Variants in AHI1 observed in about 807,000 individuals in gnomAD.
The protein encoded by AHI1 is Abelson helper integration site 1.
A neutral mutation model predicts 149.3 loss-of-function variants in AHI1; 123 were observed. That is an observed-to-expected ratio of 0.82 (90% CI 0.71 to 0.96). The LOEUF is 0.96. Among genes scored for constraint, AHI1 ranks in the 40% least tolerant of loss-of-function variants. The pLI is 0.00. For synonymous variants in AHI1, 475 were observed against 459.8 expected, an observed-to-expected ratio of 1.03 and a Z score of -0.42; for missense variants, 1,439 against 1,422.7, an observed-to-expected ratio of 1.01 and a Z score of -0.18.
At chr6:135,414,792 T>C (rs1191520270) in intron 20 of AHI1, among the ~76,000 whole-genome samples, 1 of 151,940 alleles carries the variant, frequency 6.6e-6, no homozygotes, top group Non-Finnish European at 1.5e-5. Flanking sequence ...CCATTTCTTT[T>C]TTTAAATTTT....
intron 23 of AHI1, among the ~76,000 whole-genome samples, chr6:135,381,957 T>G (rs1003456972): frequency 2.0e-5 from 3 of 152,218 alleles, no homozygotes; most frequent in Non-Finnish European, 4.4e-5. Context: ...TTTTTTAAAC[T>G]GAATAACAGT....
intron 21 of AHI1, 37 bp downstream of exon 21, chr6:135,411,311 A>G: frequency 6.5e-7 from 1 of 1,538,274 alleles, no homozygotes; most frequent in Admixed American, 1.7e-5. Context: ...CAGGATAGAA[A>G]TAGTTTTAAA....
In AHI1 at chr6:135,471,734, C is replaced by T. The variant is rs373916165; in HGVS notation, c.136-4100G>A. ...TATTAAGATATAGCTTACATCAGGC[C>T]GGGCGCGGTGGCTCACGCCTGTAAT... On this transcript the variant is annotated intron_variant, in intron 5 of 28. Coordinates refer to ENST00000265602, the MANE Select transcript of AHI1 (RefSeq NM_001134831.2). 1.1e-4 allele frequency among the ~76,000 whole-genome samples: 17 copies of T among 152,106 alleles called. 1 individual carries two copies. The highest frequency in any genetic ancestry group is 2.6e-4 in the Admixed American group (4 of 15,264).
chr6:135,467,609 T>C lies in AHI1; in HGVS notation c.161A>G (p.His54Arg). The C allele has an allele frequency of 6.2e-7, 1 of 1,609,284 alleles. No individual in the cohort carries two copies. Among genetic ancestry groups the C allele is most frequent in the Non-Finnish European group, 8.5e-7 (1 of 1,176,646 alleles). Residue 54 changes from histidine to arginine, a missense_variant, in exon 6 of 29, where the codon CAC (histidine) becomes CGC (arginine). Transcript: ENST00000265602. ...ISPDTIRSNL[H>R]YMKETTSDDP... ...ATCACTTGTAGTTTCTTTCATATAG[T>C]GAAGATTGCTTCTAATAGTGTCAGG...
At chr6:135,434,781 A>C (rs1337338354) in intron 15 of AHI1, among the ~76,000 whole-genome samples, 1 of 152,116 alleles carries the variant, frequency 6.6e-6, no homozygotes, top group Non-Finnish European at 1.5e-5. Context: ...CACAAAAATT[A>C]CTAGATTTGG....
Position 135,427,318 on chromosome 6 carries a change from A to T in AHI1, c.2624-11T>A, listed in dbSNP as rs1784047789. The T allele has an allele frequency of 6.2e-7, 1 of 1,604,136 alleles. No individual in the cohort carries two copies. Among genetic ancestry groups the T allele is most frequent in the Non-Finnish European group, 8.5e-7 (1 of 1,174,082 alleles). ...TGGCTACTTGTTCTCCTAAATAAAA[A>T]GAGAGATTCAAAAATGTATATCAGA... On this transcript the variant is annotated splice_polypyrimidine_tract_variant and intron_variant, in intron 19 of 28. Transcript: ENST00000265602.
At chr6:135,471,749 AC>A (rs1791729513) in intron 5 of AHI1, among the ~76,000 whole-genome samples, 1 of 151,578 alleles carries the variant, frequency 6.6e-6, no homozygotes, top group Non-Finnish European at 1.5e-5. Flanking sequence ...GCGGTGGCTC[AC>A]GCCTGTAATC....
At chr6:135,470,986 T>C (rs1366512081) in intron 5 of AHI1, among the ~76,000 whole-genome samples, 1 of 152,360 alleles carries the variant, frequency 6.6e-6, no homozygotes, top group South Asian at 2.1e-4. Flanking sequence ...CTTTTATTCA[T>C]ACCTCAATAA....
chr6:135,490,614 T>C lies in AHI1; in HGVS notation c.135+9A>G, dbSNP rs1795120690. 1 of 1,613,588 alleles carries C rather than the reference T, an allele frequency of 6.2e-7. No individual in the cohort carries two copies. Among genetic ancestry groups the C allele is most frequent in the Non-Finnish European group, 8.5e-7 (1 of 1,179,700 alleles). ...GTAAATCACTATTACCCAATGATCATTTACTTACTGAGATGTTTTCTTCAG... is the reference window on the plus strand; with the variant it reads ...GTAAATCACTATTACCCAATGATCACTTACTTACTGAGATGTTTTCTTCAG... On this transcript the variant is annotated intron_variant, in intron 5 of 28. Transcript: ENST00000265602.
chr6:135,357,234 G>A (rs553144697), intron 24 of AHI1, among the ~76,000 whole-genome samples: 1 of 152,282 alleles, frequency 6.6e-6, no homozygotes, highest in South Asian at 2.1e-4. Context: ...ACTGTGTCCG[G>A]CCATCTTTAT....
chr6:135,417,324 G>A (rs1008519368), intron 20 of AHI1, among the ~76,000 whole-genome samples: 11 of 151,908 alleles, frequency 7.2e-5, no homozygotes, highest in African/African-American at 2.2e-4. Context: ...ATTTTAATAT[G>A]AGTGAGCGAA....
intron 24 of AHI1, among the ~76,000 whole-genome samples, chr6:135,342,811 C>T (rs1416955720): frequency 6.6e-6 from 1 of 151,658 alleles, no homozygotes; most frequent in Admixed American, 6.6e-5. Context: ...CACACACACA[C>T]ATACATAACA....
rs1403041060 is a variant in AHI1 at position 135,433,056 on chromosome 6, A to T, written c.2237T>A (p.Phe746Tyr). ...AGTATCAAAACAAAGTGAGTTGATA[A>T]AACTTTTGTGAACATCAAACTGTCG... Reference protein sequence around the residue: ...LVRQFDVHKSFINSLCFDTEG... With the variant: ...LVRQFDVHKSYINSLCFDTEG... The change falls in exon 16 of 29, where the codon TTT becomes TAT. Residue 746 changes from phenylalanine (F) to tyrosine (Y), a missense_variant. By Grantham distance (22) the Phe-to-Tyr change is conservative (BLOSUM62 3). Coordinates refer to ENST00000265602, the MANE Select transcript of AHI1 (RefSeq NM_001134831.2). The T allele has an allele frequency of 6.2e-7, 1 of 1,613,250 alleles. No individual in the cohort carries two copies. The highest frequency in any genetic ancestry group is 1.3e-5 in the African/African-American group (1 of 75,016).
At chr6:135,336,723 G>A (rs1011679117) in intron 24 of AHI1, among the ~76,000 whole-genome samples, 2 of 152,006 alleles carry the variant, frequency 1.3e-5, no homozygotes, top group African/African-American at 4.8e-5. Flanking sequence ...ACCTCAGTTG[G>A]GTTTTCTCTC....
chr6:135,369,107 T>A (rs1251419525), intron 23 of AHI1, among the ~76,000 whole-genome samples: 1 of 152,184 alleles, frequency 6.6e-6, no homozygotes, highest in African/African-American at 2.4e-5. Flanking sequence ...TCCCACTGCT[T>A]CCTCTACCCC....
intron 3 of AHI1, chr6:135,492,993 A>AT: frequency 1.0e-6 from 1 of 969,826 alleles, no homozygotes; most frequent in Non-Finnish European, 1.2e-6. Context: ...TTAAAAAAAA[A>AT]GCTGGTTCAG....
At chr6:135,455,606 A>C (rs1788808284) in intron 10 of AHI1, 128 bp downstream of exon 10, 3 of 676,936 alleles carry the variant, frequency 4.4e-6, no homozygotes, top group Non-Finnish European at 6.8e-6. Context: ...TGGAAAACTA[A>C]ATCCTAGAGA....
Position 135,482,894 on chromosome 6 carries a change from C to CTTTTTTTT in AHI1, c.135+7721_135+7728dup, listed in dbSNP as rs761997683. Among the ~76,000 whole-genome samples the CTTTTTTTT allele has an allele frequency of 1.4e-3, 80 of 55,726 alleles. 27 individuals carry two copies. The highest frequency in any genetic ancestry group is 5.2e-3 in the African/African-American group (56 of 10,782). 36.6% of individuals were successfully genotyped at this position (55,726 alleles called of 152,430 possible). A position where few individuals can be genotyped will look rare whatever the true frequency, so the allele number is the denominator to read the frequency against. ...TTCAACCAGTATAATCCATTTAAGGCTTTTTTTTTTTTTTTGAGACAGAGT... is the reference window on the plus strand; with the variant it reads ...TTCAACCAGTATAATCCATTTAAGGCTTTTTTTTTTTTTTTTTTTTTTTGAGACAGAGT... On this transcript the variant is annotated intron_variant, in intron 5 of 28. Coordinates refer to ENST00000265602, the MANE Select transcript of AHI1 (RefSeq NM_001134831.2).
intron 26 of AHI1, among the ~76,000 whole-genome samples, chr6:135,314,601 T>C (rs73559913): frequency 2.5e-4 from 38 of 152,336 alleles, no homozygotes; most frequent in African/African-American, 9.1e-4. Context: ...CCTTACATTG[T>C]TGTAGGCAAC....
Sources: allele counts gnomAD v4.1 joint callset (sites outside exome capture counted in the v4.1 genomes callset), GRCh38; gene constraint gnomAD v4.1.1; transcripts MANE v1.5; gene names NCBI Gene and HGNC (gene_info 2026-07-23, HGNC 2026-07-21).